The following BCLAF3 variants were observed in gnomAD, a reference collection of about 807,000 sequenced individuals.
BCLAF3 encodes transient octamer binding factor 1.
Under a neutral mutation model 51.2 loss-of-function variants are expected in BCLAF3, and 24 were observed. The observed-to-expected ratio is 0.47, with a 90% CI of 0.34 to 0.66. BCLAF3 has a LOEUF of 0.66. Among genes scored for constraint, BCLAF3 ranks in the 30% least tolerant of loss-of-function variants. The probability of loss-of-function intolerance (pLI) is 0.01; values close to 1 mark genes in which losing one functional copy is unlikely to be tolerated. For missense variants in BCLAF3, 465 were observed against 525.1 expected, an observed-to-expected ratio of 0.89 and a Z score of 1.12; for synonymous variants, 152 against 176.6, an observed-to-expected ratio of 0.86 and a Z score of 1.10.
intron 1 of BCLAF3, among the ~76,000 whole-genome samples, chrX:19,987,672 T>C (rs1474314801): frequency 8.9e-6 from 1 of 112,384 alleles, no homozygotes; most frequent in Admixed American, 9.4e-5. Flanking sequence ...TAAGTACCAG[T>C]GACTGCTAGG....
At chrX:19,926,698 C>T (rs771929255) in intron 11 of BCLAF3, among the ~76,000 whole-genome samples, 11 of 110,945 alleles carry the variant, frequency 9.9e-5, no homozygotes, top group Non-Finnish European at 1.9e-4. Flanking sequence ...CCCAACCTTG[C>T]GAATGAAGAG....
At chrX:19,956,493 C>G (rs1325770074) in intron 4 of BCLAF3, among the ~76,000 whole-genome samples, 6 of 111,896 alleles carry the variant, frequency 5.4e-5, no homozygotes. Context: ...ATGAACATGT[C>G]TTCCAAGTGT....
chrX:19,922,272 G>C (rs2070192390), intron 11 of BCLAF3, among the ~76,000 whole-genome samples: 1 of 110,969 alleles, frequency 9.0e-6, no homozygotes, highest in Non-Finnish European at 1.9e-5. Flanking sequence ...TTCAGAGTGA[G>C]TCCAGAGAAC....
Position 19,915,836 on chromosome X carries a change from T to C in BCLAF3, c.*1469A>G, listed in dbSNP as rs1044804787. 1 of 112,033 alleles carries C rather than the reference T, an allele frequency of 8.9e-6. No individual in the cohort carries two copies. Among genetic ancestry groups the C allele is most frequent in the Non-Finnish European group, 1.9e-5 (1 of 53,179 alleles). 9.2% of individuals were successfully genotyped at this position (112,033 alleles called of 1,213,427 possible). ...GATTTTATAAGTACCTAACACAATA[T>C]AAAGTTGCCATACTACCTGTGTGCA... On this transcript the variant is annotated 3_prime_UTR_variant, in exon 12 of 12. Transcript: ENST00000379682.
chrX:19,976,685 C>T (rs765759965), intron 1 of BCLAF3, among the ~76,000 whole-genome samples: 58 of 112,108 alleles, frequency 5.2e-4, no homozygotes, highest in African/African-American at 1.9e-3. Context: ...GCCACCATGC[C>T]CAGCCAGAAA....
chrX:19,928,408 C>T (rs2070430716), intron 11 of BCLAF3, among the ~76,000 whole-genome samples: 1 of 108,427 alleles, frequency 9.2e-6, no homozygotes, highest in African/African-American at 3.4e-5. Flanking sequence ...CATGGACAAA[C>T]CCCGTCTCTA....
intron 4 of BCLAF3, among the ~76,000 whole-genome samples, chrX:19,957,417 A>G (rs1569506317): frequency 8.9e-6 from 1 of 112,290 alleles, no homozygotes; most frequent in Non-Finnish European, 1.9e-5. Flanking sequence ...GCCTTTAAAA[A>G]CATTTTATAG....
At chrX:19,982,009 T>C (rs1048535746) in intron 1 of BCLAF3, among the ~76,000 whole-genome samples, 2 of 111,782 alleles carry the variant, frequency 1.8e-5, no homozygotes, top group African/African-American at 6.5e-5. Context: ...ACACTTTAAA[T>C]GGGTAAATTG....
intron 10 of BCLAF3, among the ~76,000 whole-genome samples, chrX:19,932,993 T>C (rs1217027507): frequency 8.9e-6 from 1 of 112,242 alleles, no homozygotes; most frequent in Non-Finnish European, 1.9e-5. Context: ...TTAAACACTA[T>C]TTGTTTCCTC....
intron 2 of BCLAF3, among the ~76,000 whole-genome samples, 163 bp from the exon 3 acceptor site, chrX:19,966,812 G>C (rs2072076197): frequency 9.0e-6 from 1 of 110,918 alleles, no homozygotes; most frequent in Admixed American, 9.7e-5. Flanking sequence ...ACATCTGGGG[G>C]TCTGATTATG....
At position 19,937,485 on chromosome X, in the gene BCLAF3, T is replaced by A. The variant is rs1383717117; in HGVS notation, c.1793A>T (p.Asp598Val). The A allele has an allele frequency of 8.5e-7, 1 of 1,181,827 alleles. No homozygotes were observed. The highest frequency in any genetic ancestry group is 3.0e-5 in the East Asian group (1 of 33,541). The change falls in exon 9 of 12, where the codon GAT (aspartate) becomes GTT (valine). Residue 598 changes from aspartate (D) to valine (V), a missense_variant. By Grantham distance (152) the Asp-to-Val change is radical. Coordinates refer to ENST00000379682, the MANE Select transcript of BCLAF3 (RefSeq NM_001367774.2). ...SFSKVKNVHTDGFQKPTHFIK... is the reference protein window; with the variant it reads ...SFSKVKNVHTVGFQKPTHFIK... ...AAAATGTGTGGGTTTTTGGAATCCA[T>A]CAGTATGAACATTCTTTACCTTTGA...
At chrX:19,974,640 G>T (rs1016277136) in intron 1 of BCLAF3, among the ~76,000 whole-genome samples, 1 of 111,576 alleles carries the variant, frequency 9.0e-6, no homozygotes, top group African/African-American at 3.3e-5. Flanking sequence ...CCAGCACTTT[G>T]GGAGGCTGAG....
rs182349440 is a variant in BCLAF3 at position 19,917,058 on chromosome X, C to T, written c.*247G>A. 1.6e-5 allele frequency: 6 copies of T among 367,707 alleles called. No individual in the cohort carries two copies. Among genetic ancestry groups the T allele is most frequent in the African/African-American group, 2.6e-5 (1 of 37,752 alleles). The allele number at this position is 367,707 out of a possible 1,213,427, so 30.3% of individuals were successfully genotyped here. On this transcript the variant is annotated 3_prime_UTR_variant, in exon 12 of 12. Coordinates refer to ENST00000379682, the MANE Select transcript of BCLAF3 (RefSeq NM_001367774.2). ...AAATGCATCAACAAATAATGCCCTT[C>T]AAGTGATTCTTTTGAGACTTTTTGC...
intron 8 of BCLAF3, among the ~76,000 whole-genome samples, chrX:19,938,442 C>A (rs780532161): frequency 8.9e-6 from 1 of 112,459 alleles, no homozygotes; most frequent in South Asian, 3.7e-4. Context: ...GTTGCCCAGG[C>A]TGGAGTGCAG....
chrX:19,983,913 A>AG (rs1224842532), intron 1 of BCLAF3, among the ~76,000 whole-genome samples: 1 of 105,304 alleles, frequency 9.5e-6, no homozygotes, highest in African/African-American at 3.5e-5. Context: ...CGCTAAAAAT[A>AG]TAAAAAAATG....
intron 11 of BCLAF3, among the ~76,000 whole-genome samples, chrX:19,922,269 T>TG (rs748001881): frequency 9.0e-6 from 1 of 110,949 alleles, no homozygotes; most frequent in South Asian, 3.8e-4. Flanking sequence ...AAATTCAGAG[T>TG]GAGTCCAGAG....
chrX:19,951,200 G>A (rs1049924886), intron 7 of BCLAF3, among the ~76,000 whole-genome samples: 3 of 111,450 alleles, frequency 2.7e-5, no homozygotes, highest in South Asian at 3.7e-4. Flanking sequence ...GGAAGAATGA[G>A]TAAATAAATC....
chrX:19,936,030 G>A (rs746467236), intron 9 of BCLAF3, 132 bp from the exon 10 acceptor site: 1 of 505,887 alleles, frequency 2.0e-6, no homozygotes, highest in East Asian at 3.5e-5. Flanking sequence ...GAGCTTAGCT[G>A]TAGAGCACAT....
chrX:19,989,134 TA>T (rs368934510), intron 1 of BCLAF3, among the ~76,000 whole-genome samples: 1,677 of 99,017 alleles, frequency 0.017, 29 homozygotes, highest in African/African-American at 0.052. Context: ...CAATTCACAT[TA>T]AAAAAAAAAA....
Sources: gnomAD v4.1 joint callset for allele counts (sites outside exome capture counted in the v4.1 genomes callset) on GRCh38, gnomAD v4.1.1 for gene constraint, MANE v1.5 for transcripts, NCBI Gene and HGNC (gene_info 2026-07-23, HGNC 2026-07-21) for gene names.